AKT3: variants seen among roughly 807,000 people sequenced by gnomAD.
The protein encoded by AKT3 is RAC-gamma serine/threonine-protein kinase.
A neutral mutation model predicts 65.3 loss-of-function variants in AKT3; 15 were observed. The ratio of observed to expected loss-of-function variants is 0.23; its 90% confidence interval spans 0.15 to 0.35. AKT3 has a LOEUF of 0.35. AKT3 is among the 10% of genes least tolerant of loss of function. AKT3 has a pLI of 1.00. For synonymous variants in AKT3, 206 were observed against 183.8 expected, an observed-to-expected ratio of 1.12 and a Z score of -0.98; for missense variants, 243 against 576.5, an observed-to-expected ratio of 0.42 and a Z score of 5.92.
At chr1:243,664,920 A>C in intron 3 of AKT3, 37 bp from the exon 4 acceptor site, 1 of 1,236,242 alleles carries the variant, frequency 8.1e-7, no homozygotes, top group Non-Finnish European at 1.1e-6. Context: ...AAATATGGAT[A>C]TATTTAAAAC....
At chr1:243,850,443 C>A (rs1430130014), upstream of AKT3, among the ~76,000 whole-genome samples, 1 of 151,136 alleles carries the variant, frequency 6.6e-6, no homozygotes, top group South Asian at 2.1e-4. Context: ...GGCCGGGTCA[C>A]GCCGGCGGGG....
chr1:243,778,285 A>G (rs752873919), intron 2 of AKT3, among the ~76,000 whole-genome samples: 71 of 152,226 alleles, frequency 4.7e-4, no homozygotes, highest in Non-Finnish European at 8.8e-4. Flanking sequence ...TAAAAAAGCT[A>G]ATGATTACAA....
intron 11 of AKT3, among the ~76,000 whole-genome samples, chr1:243,552,288 CAAAAAA>C (rs33995513): frequency 1.0e-4 from 5 of 50,170 alleles, no homozygotes; most frequent in African/African-American, 2.0e-4. Context: ...GACTCTGTCT[CAAAAAA>C]AAAAAAAAAA....
intron 2 of AKT3, among the ~76,000 whole-genome samples, chr1:243,812,399 G>C (rs373485646): frequency 6.6e-6 from 1 of 152,202 alleles, no homozygotes; most frequent in African/African-American, 2.4e-5. Context: ...AGACATTTAT[G>C]CAGCCAAGAG....
chr1:243,621,214 T>C (rs1024558662), intron 6 of AKT3, among the ~76,000 whole-genome samples: 1 of 152,182 alleles, frequency 6.6e-6, no homozygotes, highest in Non-Finnish European at 1.5e-5. Flanking sequence ...CACAGGAGCT[T>C]TTCATTTATT....
chr1:243,583,663 A>C (rs1307203958), intron 8 of AKT3, among the ~76,000 whole-genome samples: 2 of 152,112 alleles, frequency 1.3e-5, no homozygotes, highest in Non-Finnish European at 2.9e-5. Context: ...AATACCAAGA[A>C]GGTATCTCAA....
At position 243,502,245 on chromosome 1, in the gene AKT3, A is replaced by G; in HGVS notation, c.*3004T>C. On this transcript the variant is annotated 3_prime_UTR_variant, in exon 14 of 14. Transcript: ENST00000673466. Reference sequence around the variant, plus strand: ...TTGAGGTGTAATAGAGAGACCCTGCAGTTAGTAAGGAAGGCCCTTACTTTT... The same window carrying G: ...TTGAGGTGTAATAGAGAGACCCTGCGGTTAGTAAGGAAGGCCCTTACTTTT... 1 of 232,842 alleles carries G rather than the reference A, an allele frequency of 4.3e-6. No individual in the cohort carries two copies. The highest frequency in any genetic ancestry group is 1.8e-4 in the South Asian group (1 of 5,524). The allele number at this position is 232,842 out of a possible 1,614,324, so 14.4% of individuals were successfully genotyped here.
intron 2 of AKT3, among the ~76,000 whole-genome samples, chr1:243,761,054 T>C (rs758254797): frequency 2.8e-4 from 42 of 152,184 alleles, no homozygotes; most frequent in Admixed American, 4.6e-4. Context: ...GTGGCCCCTT[T>C]ATGTAACATA....
chr1:243,488,599 C>G (rs1558540592), intron 13 of AKT3: 3 of 250,216 alleles, frequency 1.2e-5, no homozygotes, highest in East Asian at 1.0e-4. Context: ...AATGGAAAAC[C>G]CTTACTTCAG....
At chr1:243,640,560 T>C (rs753606804) in intron 5 of AKT3, among the ~76,000 whole-genome samples, 2 of 152,164 alleles carry the variant, frequency 1.3e-5, no homozygotes, top group African/African-American at 2.4e-5. Flanking sequence ...AGTTAGTCCA[T>C]ATTATCCTGC....
chr1:243,687,137 A>G (rs562656452), intron 3 of AKT3, among the ~76,000 whole-genome samples: 5 of 152,256 alleles, frequency 3.3e-5, no homozygotes, highest in Non-Finnish European at 7.4e-5. Context: ...TACAAGTCCA[A>G]TGATGTTCCA....
At chr1:243,549,051 TCTC>T (rs1672868744) in intron 11 of AKT3, among the ~76,000 whole-genome samples, 1 of 152,136 alleles carries the variant, frequency 6.6e-6, no homozygotes, top group Admixed American at 6.5e-5. Flanking sequence ...TAGGCCCTCT[TCTC>T]CTTATCCACT....
intron 2 of AKT3, among the ~76,000 whole-genome samples, chr1:243,769,805 T>A (rs1483172283): frequency 6.6e-6 from 1 of 152,236 alleles, no homozygotes; most frequent in Non-Finnish European, 1.5e-5. Context: ...GCCTTTGACA[T>A]ACAAGTTTTT....
chr1:243,740,977 A>C (rs556012456), intron 2 of AKT3, among the ~76,000 whole-genome samples: 161 of 152,240 alleles, frequency 1.1e-3, no homozygotes, highest in African/African-American at 3.7e-3. Context: ...ATTTCAGGGG[A>C]GGGGTCTCAT....
downstream of AKT3, among the ~76,000 whole-genome samples, chr1:243,496,510 A>G (rs2148310586): frequency 6.6e-6 from 1 of 152,362 alleles, no homozygotes; most frequent in African/African-American, 2.4e-5. Flanking sequence ...TGACTTGGCC[A>G]AACAGAGACA....
At chr1:243,532,049 G>C (rs1671569651) in intron 12 of AKT3, among the ~76,000 whole-genome samples, 1 of 152,194 alleles carries the variant, frequency 6.6e-6, no homozygotes, top group Admixed American at 6.5e-5. Context: ...ATAAGATCAT[G>C]TCACCTATTA....
rs556647923 is a variant in AKT3, at chr1:243,546,102, T to C, written c.1164-505A>G. On this transcript the variant is annotated intron_variant, in intron 11 of 13. Coordinates refer to ENST00000673466, the MANE Select transcript of AKT3 (RefSeq NM_005465.7). ...GGTTTTTCCCATGCTGTTCTCATGA[T>C]AGTCAATAAGTCTCATGAGATCTGA... is the stretch of plus-strand genomic sequence containing the variant. 5.3e-5 allele frequency among the ~76,000 whole-genome samples: 8 copies of C among 152,280 alleles called. No individual in the cohort carries two copies. The East Asian group carries it at 9.7e-4, about 18-fold the overall frequency.
In AKT3 at chr1:243,501,438, G is replaced by C; in HGVS notation, c.*3811C>G. 4.3e-6 allele frequency: 1 copy of C among 233,218 alleles called. No individual in the cohort carries two copies. The highest frequency in any genetic ancestry group is 8.5e-6 in the Non-Finnish European group (1 of 118,006). The allele number at this position is 233,218 out of a possible 1,614,324, so 14.4% of individuals were successfully genotyped here. Reference sequence around the variant, plus strand: ...TGTGTTGTATAGATGATTCGGGTCTGAATGTCCCCAGGGTCTGAGACCTCC... The same window carrying C: ...TGTGTTGTATAGATGATTCGGGTCTCAATGTCCCCAGGGTCTGAGACCTCC... On this transcript the variant is annotated 3_prime_UTR_variant, in exon 14 of 14. Coordinates refer to ENST00000673466, the MANE Select transcript of AKT3 (RefSeq NM_005465.7).
intron 2 of AKT3, among the ~76,000 whole-genome samples, chr1:243,829,703 C>G (rs1257550574): frequency 6.6e-6 from 1 of 151,934 alleles, no homozygotes; most frequent in African/African-American, 2.4e-5. Context: ...AGAGTAACAC[C>G]CAGCAATGGC....
Sources: allele counts gnomAD v4.1 joint callset (sites outside exome capture counted in the v4.1 genomes callset), GRCh38; gene constraint gnomAD v4.1.1; transcripts MANE v1.5; gene names NCBI Gene and HGNC (gene_info 2026-07-23, HGNC 2026-07-21).